The following UBAP2L variants were observed in gnomAD, a reference collection of about 807,000 sequenced individuals.
The protein encoded by UBAP2L is ubiquitin associated protein 2 like, also known as ubiquitin-associated protein 2-like.
UBAP2L carries 12 observed loss-of-function variants against 130.6 expected under a neutral mutation model. The observed-to-expected ratio is 0.09, with a 90% CI of 0.06 to 0.15. UBAP2L has a LOEUF of 0.15. Among genes scored for constraint, UBAP2L ranks in the 10% least tolerant of loss-of-function variants. The pLI is 1.00. For synonymous variants in UBAP2L, 503 were observed against 524.7 expected, an observed-to-expected ratio of 0.96 and a Z score of 0.57; for missense variants, 965 against 1,332.5, an observed-to-expected ratio of 0.72 and a Z score of 4.29.
At position 154,220,994 on chromosome 1, in the gene UBAP2L, C is replaced by T. The variant is rs934680370; in HGVS notation, c.-41+19C>T. ...GACTGAGGTAAAGTTGGGAGCGCAG[C>T]GGCGTTGGCGGCGGCGGCGGCGGCA... On this transcript the variant is annotated intron_variant, in intron 1 of 26. Transcript: ENST00000428931. The T allele has an allele frequency of 5.2e-6, 1 of 191,104 alleles. No individual in the cohort carries two copies. Among genetic ancestry groups the T allele is most frequent in the Non-Finnish European group, 1.1e-5 (1 of 91,906 alleles). The allele number at this position is 191,104 out of a possible 1,614,324, so 11.8% of individuals were successfully genotyped here. A position where few individuals can be genotyped will look rare whatever the true frequency, so the allele number is the denominator to read the frequency against.
intron 25 of UBAP2L, 28 bp downstream of exon 25, chr1:154,266,596 G>T: frequency 6.2e-7 from 1 of 1,608,924 alleles, no homozygotes; most frequent in Non-Finnish European, 8.5e-7. Context: ...GATAAAAGTG[G>T]AAAAGAGATA....
intron 9 of UBAP2L, chr1:154,243,005 T>A (rs1413533216): frequency 1.0e-5 from 4 of 400,054 alleles, no homozygotes; most frequent in Non-Finnish European, 1.8e-5. Context: ...CTATATTTTA[T>A]TGGGTTCCTT....
chr1:154,225,252 G>A, intron 2 of UBAP2L, 39 bp downstream of exon 2: 2 of 1,601,540 alleles, frequency 1.2e-6, no homozygotes, highest in Non-Finnish European at 1.7e-6. Flanking sequence ...GGATAGCGTT[G>A]CCTGCTGATA....
intron 25 of UBAP2L, 93 bp downstream of exon 25, chr1:154,266,661 C>T (rs757063759): frequency 3.7e-6 from 5 of 1,338,662 alleles, no homozygotes; most frequent in Non-Finnish European, 4.3e-6. Context: ...AAGAAGAACC[C>T]TAGGAGAGGT....
intron 10 of UBAP2L, 66 bp downstream of exon 10, chr1:154,243,368 G>A: frequency 2.1e-6 from 3 of 1,460,254 alleles, no homozygotes; most frequent in Non-Finnish European, 2.9e-6. Context: ...GTAAAGAGAA[G>A]TGGCACTGGC....
At position 154,253,997 on chromosome 1, in the gene UBAP2L, C is replaced by A; in HGVS notation, c.1762C>A (p.Gln588Lys). The A allele has an allele frequency of 1.2e-6, 2 of 1,606,470 alleles. No individual in the cohort carries two copies. The highest frequency in any genetic ancestry group is 2.2e-5 in the South Asian group (2 of 90,082). The change falls in exon 15 of 27, where the codon CAG (glutamine) becomes AAG (lysine). Residue 588 changes from glutamine (Q) to lysine (K), a missense_variant. By Grantham distance (53) the Gln-to-Lys change is moderately conservative. Transcript: ENST00000428931. ...STTYTSQNNAQGPLYEQRSTQ... is the reference protein window; with the variant it reads ...STTYTSQNNAKGPLYEQRSTQ... The stretch of plus-strand genomic sequence containing the variant: ...AACCTATACCTCCCAAAATAATGCT[C>A]AGGGCCCTCTTTATGAACAGAGATC...
chr1:154,251,508 G>T lies in UBAP2L; in HGVS notation c.1519G>T (p.Gly507Cys). Residue 507 changes from glycine to cysteine, a missense_variant, in exon 14 of 27, where the codon GGC becomes TGC. By Grantham distance (159) the Gly-to-Cys change is radical. Around this residue, in one of 9 missense-constraint regions of UBAP2L, gnomAD observed 393 missense variants for 408.1 expected, o/e 0.96. Coordinates refer to ENST00000428931, the MANE Select transcript of UBAP2L (RefSeq NM_014847.4). ...TCCTGCTCTGGCTGTGGAGATGCCT[G>T]GCTCAGCAGATATCTCAGGGCTAAA... Reference protein sequence around the residue: ...KIPALAVEMPGSADISGLNLQ... With the variant: ...KIPALAVEMPCSADISGLNLQ... The T allele has an allele frequency of 1.2e-6, 2 of 1,614,050 alleles. No individual in the cohort carries two copies. The highest frequency in any genetic ancestry group is 1.7e-6 in the Non-Finnish European group (2 of 1,180,006).
intron 26 of UBAP2L, among the ~76,000 whole-genome samples, 153 bp from the exon 27 acceptor site, chr1:154,270,047 G>C (rs1684411964): frequency 6.6e-6 from 1 of 152,114 alleles, no homozygotes; most frequent in South Asian, 2.1e-4. Flanking sequence ...AGGGGCTTTA[G>C]CAGCTATGCA....
At chr1:154,231,957 C>T (rs1669975923) in intron 4 of UBAP2L, among the ~76,000 whole-genome samples, 3 of 152,104 alleles carry the variant, frequency 2.0e-5, no homozygotes, top group African/African-American at 7.2e-5. Context: ...TAATACTCAG[C>T]CCATATTCTG....
intron 23 of UBAP2L, 140 bp from the exon 24 acceptor site, chr1:154,261,452 G>A: frequency 1.2e-6 from 1 of 821,934 alleles, no homozygotes; most frequent in Non-Finnish European, 2.0e-6. Flanking sequence ...TTAGTAAGGA[G>A]CTAATTTCAC....
chr1:154,233,324 CT>C (rs1390078061), intron 4 of UBAP2L, among the ~76,000 whole-genome samples: 1 of 146,708 alleles, frequency 6.8e-6, no homozygotes, highest in African/African-American at 2.5e-5. Context: ...CCTTTTTTTT[CT>C]TTTTTTTTCT....
chr1:154,264,683 C>A lies in UBAP2L; in HGVS notation c.2903-1818C>A, dbSNP rs180674719. On this transcript the variant is annotated intron_variant, in intron 24 of 26. Transcript: ENST00000428931. ...CACTCGGCTTGAGAATCCAGTTAGT[C>A]ATTTCTTCCATCCAATATAGGCAGC... is the stretch of plus-strand genomic sequence containing the variant. Among the ~76,000 whole-genome samples, 79 of 152,294 alleles carry A rather than the reference C, an allele frequency of 5.2e-4. 1 individual carries two copies. In the East Asian group the frequency reaches 7.9e-3, roughly 15 times the overall value.
chr1:154,247,810 T>C (rs1676026366), intron 11 of UBAP2L, among the ~76,000 whole-genome samples: 1 of 152,108 alleles, frequency 6.6e-6, no homozygotes, highest in Non-Finnish European at 1.5e-5. Flanking sequence ...TACTAATCAA[T>C]ATGTTAGATA....
At chr1:154,263,437 G>C in intron 24 of UBAP2L, 1 of 1,215,446 alleles carries the variant, frequency 8.2e-7, no homozygotes, top group Non-Finnish European at 1.0e-6. Context: ...TTTCTGGAAG[G>C]CATGTAGTTT....
intron 10 of UBAP2L, among the ~76,000 whole-genome samples, chr1:154,243,602 A>G (rs531247800): frequency 6.6e-6 from 1 of 152,256 alleles, no homozygotes; most frequent in East Asian, 1.9e-4. Context: ...CTGGGATTAC[A>G]GGCGTGTGCC....
chr1:154,231,715 G>A (rs758220611), intron 4 of UBAP2L, among the ~76,000 whole-genome samples: 1 of 152,110 alleles, frequency 6.6e-6, no homozygotes, highest in Admixed American at 6.6e-5. Flanking sequence ...TTCAAGGTTC[G>A]TCCATATTGT....
At chr1:154,258,794 G>C (rs1309118620) in intron 20 of UBAP2L, 183 bp from the exon 21 acceptor site, 1 of 537,066 alleles carries the variant, frequency 1.9e-6, no homozygotes, top group African/African-American at 1.9e-5. Flanking sequence ...GACCTTTCAT[G>C]AATCATTTAA....
chr1:154,259,683 G>A (rs1338795518), intron 21 of UBAP2L: 1 of 569,372 alleles, frequency 1.8e-6, no homozygotes, highest in East Asian at 3.2e-5. Context: ...ACACCTAGAG[G>A]GTTGAAAATA....
intron 8 of UBAP2L, among the ~76,000 whole-genome samples, chr1:154,237,641 A>G (rs1672109849): frequency 1.3e-5 from 2 of 152,222 alleles, no homozygotes; most frequent in Non-Finnish European, 2.9e-5. Context: ...TGTTACTGAG[A>G]TAAGAATATC....
Sources: gnomAD v4.1 joint callset for allele counts (sites outside exome capture counted in the v4.1 genomes callset) on GRCh38, gnomAD v4.1.1 for gene constraint, gnomAD v4.1.1 regional missense constraint, MANE v1.5 for transcripts, NCBI Gene and HGNC (gene_info 2026-07-23, HGNC 2026-07-21) for gene names.